NEXMIF: variants seen among roughly 807,000 people sequenced by gnomAD.
NEXMIF encodes neurite extension and migration factor, also known as XLMR protein related to neurite extension.
Under a neutral mutation model 62.1 loss-of-function variants are expected in NEXMIF, and 8 were observed. The ratio of observed to expected loss-of-function variants is 0.13; its 90% CI spans 0.08 to 0.23. The LOEUF (loss-of-function observed/expected upper bound fraction) is 0.23, where lower values mean the gene tolerates loss of function less well. NEXMIF is among the 10% of genes least tolerant of loss of function. The pLI is 1.00. For synonymous variants in NEXMIF, 404 were observed against 416.6 expected (o/e 0.97, Z 0.37); for missense variants, 976 against 1,113.3 (o/e 0.88, Z 1.75).
rs768557764 is a variant in NEXMIF, at chrX:74,903,563, A to T, written c.-48+21320T>A. On this transcript the variant is annotated intron_variant, in intron 1 of 3. Coordinates refer to ENST00000055682, the MANE Select transcript of NEXMIF (RefSeq NM_001008537.3). ...AAAGAGAATCAAAGGTGGCAAGGGCAAGCTAGCAATGAATTAAACTGATTA... is the reference window on the plus strand; with the variant it reads ...AAAGAGAATCAAAGGTGGCAAGGGCTAGCTAGCAATGAATTAAACTGATTA... Among the ~76,000 whole-genome samples the T allele has an allele frequency of 3.6e-5, 4 of 111,906 alleles. No homozygotes were observed. In the Admixed American group the frequency reaches 3.8e-4, roughly 11 times the overall value.
intron 1 of NEXMIF, among the ~76,000 whole-genome samples, chrX:74,890,209 A>G (rs2080713098): frequency 9.0e-6 from 1 of 111,157 alleles, no homozygotes. Flanking sequence ...TCAACCAACT[A>G]CAGGAGAGAT....
intron 1 of NEXMIF, among the ~76,000 whole-genome samples, chrX:74,806,205 C>A (rs1392089883): frequency 9.0e-5 from 10 of 110,794 alleles, no homozygotes; most frequent in Non-Finnish European, 1.9e-4. Context: ...ATGGATCACG[C>A]CTTTGATGTT....
At chrX:74,841,082 T>C (rs917524932) in intron 1 of NEXMIF, among the ~76,000 whole-genome samples, 2 of 112,280 alleles carry the variant, frequency 1.8e-5, no homozygotes, top group African/African-American at 6.5e-5. Context: ...AGTATGATAA[T>C]TTTAATGACA....
chrX:74,893,814 G>C (rs1285704023), intron 1 of NEXMIF, among the ~76,000 whole-genome samples: 2 of 112,065 alleles, frequency 1.8e-5, no homozygotes, highest in Non-Finnish European at 3.8e-5. Context: ...GGGCCATTTG[G>C]ACCTGGAGTC....
At chrX:74,820,844 T>TG (rs779370852) in intron 1 of NEXMIF, among the ~76,000 whole-genome samples, 14 of 110,862 alleles carry the variant, frequency 1.3e-4, no homozygotes, top group African/African-American at 4.3e-4. Context: ...ACGGGAACAA[T>TG]GGACACTGGG....
chrX:74,898,215 A>G (rs2080738459), intron 1 of NEXMIF, among the ~76,000 whole-genome samples: 1 of 112,235 alleles, frequency 8.9e-6, no homozygotes, highest in Non-Finnish European at 1.9e-5. Flanking sequence ...CAACATCAAC[A>G]GTGTTAAAGT....
At chrX:74,881,970 C>A (rs1252536543) in intron 1 of NEXMIF, among the ~76,000 whole-genome samples, 1 of 111,472 alleles carries the variant, frequency 9.0e-6, no homozygotes, top group Non-Finnish European at 1.9e-5. Flanking sequence ...TCAACATAGT[C>A]TCCCATGTAG....
chrX:74,739,520 T>G (rs1156704675), intron 3 of NEXMIF, 22 bp from the exon 4 acceptor site: 15 of 1,059,395 alleles, frequency 1.4e-5, no homozygotes, highest in Non-Finnish European at 2.0e-5. Context: ...TCAAACAATT[T>G]ATGCCATCTG....
intron 1 of NEXMIF, among the ~76,000 whole-genome samples, chrX:74,772,898 G>A (rs1452628866): frequency 1.8e-5 from 2 of 111,222 alleles, no homozygotes; most frequent in Admixed American, 1.9e-4. Flanking sequence ...GGGGGGTGGG[G>A]GAAATCAAGC....
intron 1 of NEXMIF, among the ~76,000 whole-genome samples, chrX:74,785,760 T>C (rs2080258626): frequency 8.9e-6 from 1 of 112,163 alleles, no homozygotes; most frequent in Non-Finnish European, 1.9e-5. Context: ...GCAAAGTTTA[T>C]AGCCTTGTCT....
intron 1 of NEXMIF, among the ~76,000 whole-genome samples, chrX:74,784,639 C>A (rs909572751): frequency 3.3e-4 from 36 of 109,575 alleles, no homozygotes; most frequent in African/African-American, 1.2e-3. Flanking sequence ...TACACACATA[C>A]AATAATTTAA....
At chrX:74,793,130 T>C (rs1245807342) in intron 1 of NEXMIF, among the ~76,000 whole-genome samples, 6 of 111,462 alleles carry the variant, frequency 5.4e-5, no homozygotes, top group African/African-American at 2.0e-4. Context: ...TTCCTTTCCA[T>C]GTTTAGTGCT....
chrX:74,786,816 T>TACACACAC (rs761602482), intron 1 of NEXMIF, among the ~76,000 whole-genome samples: 1 of 107,336 alleles, frequency 9.3e-6, no homozygotes, highest in African/African-American at 3.4e-5. Context: ...AACAAGGTTG[T>TACACACAC]ACACACACAC....
intron 1 of NEXMIF, among the ~76,000 whole-genome samples, chrX:74,841,878 T>G (rs755905261): frequency 8.9e-6 from 1 of 111,777 alleles, no homozygotes; most frequent in South Asian, 3.8e-4. Flanking sequence ...GGATTCGGTT[T>G]GCAAGTCTGT....
Position 74,735,508 on chromosome X carries a change from C to G in NEXMIF, c.*3897G>C, listed in dbSNP as rs1263057764. On this transcript the variant is annotated 3_prime_UTR_variant, in exon 4 of 4. Coordinates refer to ENST00000055682, the MANE Select transcript of NEXMIF (RefSeq NM_001008537.3). ...CCTCACATAGGACTTAGGATGCTTG[C>G]TAGAGTTGTTTATAGCTTTTGAAGC... is the stretch of plus-strand genomic sequence containing the variant. The G allele has an allele frequency of 1.8e-5, 2 of 111,688 alleles. No individual in the cohort carries two copies. Among genetic ancestry groups the G allele is most frequent in the Non-Finnish European group, 3.8e-5 (2 of 53,085 alleles). The allele number at this position is 111,688 out of a possible 1,213,427, so 9.2% of individuals were successfully genotyped here.
intron 1 of NEXMIF, among the ~76,000 whole-genome samples, chrX:74,812,127 G>A (rs2080362368): frequency 1.8e-5 from 2 of 112,728 alleles, no homozygotes; most frequent in South Asian, 7.2e-4. Flanking sequence ...GAATAATTAG[G>A]AAATAGAGTT....
At chrX:74,756,216 C>T (rs1222698124) in intron 1 of NEXMIF, among the ~76,000 whole-genome samples, 4 of 112,155 alleles carry the variant, frequency 3.6e-5, no homozygotes, top group Non-Finnish European at 5.6e-5. Context: ...CCGCCTCGGC[C>T]TCCCGTAGTG....
chrX:74,824,739 C>T (rs1256975231), intron 1 of NEXMIF, among the ~76,000 whole-genome samples: 1 of 109,054 alleles, frequency 9.2e-6, no homozygotes, highest in Non-Finnish European at 1.9e-5. Flanking sequence ...AGCTCCGCCT[C>T]CCGGATTCAC....
chrX:74,846,194 C>T (rs1338795848), intron 1 of NEXMIF, among the ~76,000 whole-genome samples: 1 of 112,646 alleles, frequency 8.9e-6, no homozygotes, highest in African/African-American at 3.2e-5. Context: ...ATTTTATCTC[C>T]TCCTTTTTGT....
Sources: gnomAD v4.1 joint callset for allele counts (sites outside exome capture counted in the v4.1 genomes callset) on GRCh38, gnomAD v4.1.1 for gene constraint, MANE v1.5 for transcripts, NCBI Gene and HGNC (gene_info 2026-07-23, HGNC 2026-07-21) for gene names.